HMGA2: variants seen among roughly 807,000 people sequenced by gnomAD.
HMGA2 encodes high mobility group protein HMGI-C.
HMGA2 carries 8 observed loss-of-function variants against 19.1 expected under a neutral mutation model. The observed-to-expected ratio is 0.42, with a 90% CI of 0.25 to 0.76. HMGA2 has a LOEUF of 0.76. HMGA2 is among the 30% of genes least tolerant of loss of function. The pLI is 0.28. For missense variants in HMGA2, 109 were observed against 136.3 expected (o/e 0.80, Z 1.00); for synonymous variants, 60 against 48.8 (o/e 1.23, Z -0.96).
chr12:65,848,862 CA>C (rs576419701), intron 3 of HMGA2, among the ~76,000 whole-genome samples: 157 of 136,940 alleles, frequency 1.1e-3, no homozygotes, highest in East Asian at 1.1e-3. Context: ...GACTCCGTCT[CA>C]AAAAAAAAAA....
intron 3 of HMGA2, among the ~76,000 whole-genome samples, chr12:65,919,015 T>C (rs1875208875): frequency 6.6e-6 from 1 of 152,102 alleles, no homozygotes; most frequent in African/African-American, 2.4e-5. Flanking sequence ...CTCAGCAGGA[T>C]GAAAAAGAAA....
chr12:65,901,512 T>A (rs1874370616), intron 3 of HMGA2, among the ~76,000 whole-genome samples: 1 of 152,210 alleles, frequency 6.6e-6, no homozygotes, highest in African/African-American at 2.4e-5. Context: ...GTTGTCTGAT[T>A]TTGTGACACT....
chr12:65,947,276 T>C (rs1471048754), intron 3 of HMGA2, among the ~76,000 whole-genome samples: 1 of 152,074 alleles, frequency 6.6e-6, no homozygotes, highest in Non-Finnish European at 1.5e-5. Flanking sequence ...TGCGCCACTA[T>C]ACCTGGCTAA....
chr12:65,917,003 T>C (rs1394142657), intron 3 of HMGA2, among the ~76,000 whole-genome samples: 1 of 152,156 alleles, frequency 6.6e-6, no homozygotes, highest in Admixed American at 6.5e-5. Context: ...ATATATTTTG[T>C]AGACACTGAG....
chr12:65,963,131 C>CT (rs1876800267), intron 4 of HMGA2, 114 bp from the exon 5 acceptor site: 1 of 938,992 alleles, frequency 1.1e-6, no homozygotes, highest in Non-Finnish European at 1.7e-6. Context: ...TCGTCATCCT[C>CT]TTTTGAGGCA....
intron 3 of HMGA2, among the ~76,000 whole-genome samples, chr12:65,889,073 C>G (rs1873795773): frequency 6.6e-6 from 1 of 152,026 alleles, no homozygotes; most frequent in Non-Finnish European, 1.5e-5. Context: ...CTACTCTTAC[C>G]CACAAAAAAT....
intron 3 of HMGA2, among the ~76,000 whole-genome samples, chr12:65,936,741 C>T (rs1430084864): frequency 6.6e-6 from 1 of 152,136 alleles, no homozygotes; most frequent in African/African-American, 2.4e-5. Flanking sequence ...ACTTTAGTGT[C>T]ATTCATCATA....
rs187691618 is a variant in HMGA2, at chr12:65,861,370, C to G, written c.249+22801C>G. Among the ~76,000 whole-genome samples, 1,458 of 149,322 alleles carry G rather than the reference C, an allele frequency of 9.8e-3. 23 individuals are homozygous for G. Among genetic ancestry groups the G allele is most frequent in the African/African-American group, 0.034 (1,401 of 41,192 alleles). On this transcript the variant is annotated intron_variant, in intron 3 of 4. Transcript: ENST00000403681. ...GACAGAGCAAGACTCCGTCTCAAAA[C>G]AAAACAAAACAAAACAAAACAAAAA...
At chr12:65,890,087 T>C (rs1873840411) in intron 3 of HMGA2, among the ~76,000 whole-genome samples, 1 of 152,170 alleles carries the variant, frequency 6.6e-6, no homozygotes, top group Non-Finnish European at 1.5e-5. Flanking sequence ...TACAAATTCC[T>C]CTGGGCTAAT....
intron 3 of HMGA2, chr12:65,873,746 A>G (rs1170339655): frequency 3.3e-5 from 5 of 152,210 alleles, no homozygotes; most frequent in African/African-American, 9.6e-5. Flanking sequence ...TTCATTGTTA[A>G]AGACAGGGAA....
chr12:65,943,608 G>A (rs913533940), intron 3 of HMGA2, among the ~76,000 whole-genome samples: 3 of 152,152 alleles, frequency 2.0e-5, no homozygotes, highest in African/African-American at 7.2e-5. Flanking sequence ...AAGCCAAGTA[G>A]AATAGAAAAT....
chr12:65,857,885 T>C (rs545546135), intron 3 of HMGA2: 1 of 152,662 alleles, frequency 6.6e-6, no homozygotes, highest in Non-Finnish European at 1.5e-5. Context: ...TTCTGTCGTT[T>C]TGATAATTAC....
chr12:65,914,982 T>C, intron 3 of HMGA2: 1 of 1,593,804 alleles, frequency 6.3e-7, no homozygotes, highest in Non-Finnish European at 8.6e-7. Flanking sequence ...GTCTAAAAAA[T>C]GTCTATTAGT....
intron 3 of HMGA2, among the ~76,000 whole-genome samples, chr12:65,854,970 C>A (rs2120942024): frequency 6.6e-6 from 1 of 152,304 alleles, no homozygotes; most frequent in African/African-American, 2.4e-5. Flanking sequence ...ACACAGCTAA[C>A]TGCTTGCCTG....
At chr12:65,876,647 A>G (rs553219467) in intron 3 of HMGA2, among the ~76,000 whole-genome samples, 1 of 152,316 alleles carries the variant, frequency 6.6e-6, no homozygotes, top group South Asian at 2.1e-4. Context: ...AAAACCATAA[A>G]ATCATTTCAC....
At chr12:65,916,385 C>A (rs1875102731) in intron 3 of HMGA2, among the ~76,000 whole-genome samples, 1 of 152,194 alleles carries the variant, frequency 6.6e-6, no homozygotes, top group African/African-American at 2.4e-5. Flanking sequence ...GCAGATAGGT[C>A]TTTTGATGGA....
At chr12:65,926,772 C>T (rs922219358) in intron 3 of HMGA2, among the ~76,000 whole-genome samples, 1 of 152,170 alleles carries the variant, frequency 6.6e-6, no homozygotes, top group African/African-American at 2.4e-5. Flanking sequence ...GAAGCACCCT[C>T]ATTGTCACAG....
At chr12:65,851,522 A>G (rs1227638874) in intron 3 of HMGA2, 2 of 302,106 alleles carry the variant, frequency 6.6e-6, no homozygotes, top group Non-Finnish European at 1.3e-5. Context: ...TCTCAAAAAC[A>G]AAAACAAAAA....
intron 3 of HMGA2, among the ~76,000 whole-genome samples, chr12:65,869,880 C>G (rs1231416746): frequency 6.6e-6 from 1 of 152,082 alleles, no homozygotes; most frequent in Non-Finnish European, 1.5e-5. Flanking sequence ...ATTTTGAACC[C>G]AGGTTTGTCA....
Sources: gnomAD v4.1 joint callset for allele counts (sites outside exome capture counted in the v4.1 genomes callset) on GRCh38, gnomAD v4.1.1 for gene constraint, MANE v1.5 for transcripts, NCBI Gene and HGNC (gene_info 2026-07-23, HGNC 2026-07-21) for gene names.